TRIM69: variants seen among roughly 807,000 people sequenced by gnomAD.
The protein encoded by TRIM69 is tripartite motif containing 69, also known as E3 ubiquitin-protein ligase TRIM69.
A neutral mutation model predicts 37.7 loss-of-function variants in TRIM69; 29 were observed. The ratio of observed to expected loss-of-function variants is 0.77; its 90% CI spans 0.57 to 1.05. TRIM69 has a LOEUF of 1.05. TRIM69 is among the 50% of genes least tolerant of loss of function. The pLI, the probability that TRIM69 is intolerant of heterozygous loss-of-function variation, is 0.00. For synonymous variants in TRIM69, 209 were observed against 212.4 expected (o/e 0.98, Z 0.14); for missense variants, 596 against 579.9 (o/e 1.03, Z -0.28).
Position 44,736,658 on chromosome 15 carries a change from G to C in TRIM69, c.-47G>C. The stretch of plus-strand genomic sequence containing the variant: ...TCTGCAGCCATCCTGGGCCTGCTGA[G>C]CTCTGATTCAAGTGCCTGCCTCTGC... On this transcript the variant is annotated 5_prime_UTR_variant, in exon 1 of 7. Coordinates refer to ENST00000329464, the MANE Select transcript of TRIM69 (RefSeq NM_182985.5). 6.2e-7 allele frequency: 1 copy of C among 1,610,398 alleles called. No individual in the cohort carries two copies. The highest frequency in any genetic ancestry group is 8.5e-7 in the Non-Finnish European group (1 of 1,178,526).
chr15:44,743,602 TC>T (rs2087339546), intron 1 of TRIM69, among the ~76,000 whole-genome samples: 1 of 151,948 alleles, frequency 6.6e-6, no homozygotes, highest in South Asian at 2.1e-4. Flanking sequence ...TACAATGAAC[TC>T]AAACAAATTT....
chr15:44,767,053 CAAAAAAAAAAAA>C (rs55736812), intron 6 of TRIM69, among the ~76,000 whole-genome samples, 166 bp from the exon 7 acceptor site: 515 of 24,336 alleles, frequency 0.021, 14 homozygotes, highest in Middle Eastern at 0.14. Context: ...TTGTCTGCCT[CAAAAAAAAAAAA>C]AAAAAAAAAA....
At chr15:44,755,500 A>G in intron 2 of TRIM69, 124 bp downstream of exon 2, 1 of 734,748 alleles carries the variant, frequency 1.4e-6, no homozygotes. Flanking sequence ...CAGACTGCTC[A>G]GAAAGTACAA....
At chr15:44,754,689 T>C (rs2087605218) in intron 1 of TRIM69, 1 of 546,572 alleles carries the variant, frequency 1.8e-6, no homozygotes, top group Non-Finnish European at 3.2e-6. Context: ...TGTTTCTTCC[T>C]CTGCCTTGAT....
rs375092348 is a variant in TRIM69, at chr15:44,748,825, CAAAAA to C, written c.7-6054_7-6050del. 2.1e-4 allele frequency among the ~76,000 whole-genome samples: 24 copies of C among 114,256 alleles called. 1 individual carries two copies. The highest frequency in any genetic ancestry group is 5.9e-4 in the African/African-American group (17 of 28,954). The allele number at this position is 114,256 out of a possible 152,430, so 75.0% of individuals were successfully genotyped here. ...TGGGCGACAGAGTGAGACTTTGTCT[CAAAAA>C]AAAAAAAAAAAAAAAAAAAATTCTG... On this transcript the variant is annotated intron_variant, in intron 1 of 6. Coordinates refer to ENST00000329464, the MANE Select transcript of TRIM69 (RefSeq NM_182985.5).
At chr15:44,759,700 T>A (rs1169922605) in intron 5 of TRIM69, 38 bp downstream of exon 5, 1 of 1,614,114 alleles carries the variant, frequency 6.2e-7, no homozygotes, top group Admixed American at 1.7e-5. Context: ...TATCATTCCT[T>A]GAGTCTCTGG....
chr15:44,744,009 A>T (rs930694709), intron 1 of TRIM69, among the ~76,000 whole-genome samples: 2 of 152,172 alleles, frequency 1.3e-5, no homozygotes, highest in African/African-American at 4.8e-5. Context: ...ATGCACATGT[A>T]TGTTTATTGT....
chr15:44,759,667 G>T lies in TRIM69; in HGVS notation c.836+5G>T, dbSNP rs760416092. On this transcript the variant is annotated splice_donor_5th_base_variant and intron_variant, in intron 5 of 6. Transcript: ENST00000329464. ...CATCACAACTCTCTTACATAGGTAA[G>T]TGTTTCCCTATGGTACTATTAATAT... 6.2e-7 allele frequency: 1 copy of T among 1,613,662 alleles called. No individual in the cohort carries two copies. The highest frequency in any genetic ancestry group is 1.7e-5 in the Admixed American group (1 of 60,020).
rs1282771791 is a variant in TRIM69, at chr15:44,754,990, C to G, written c.97C>G (p.Gln33Glu). The G allele has an allele frequency of 1.9e-6, 3 of 1,614,116 alleles. No individual in the cohort carries two copies. The South Asian group carries it at 3.3e-5, about 18-fold the overall frequency. Residue 33 changes from glutamine (Q) to glutamate (E), a missense_variant, in exon 2 of 7, where the codon CAA (glutamine) becomes GAA (glutamate). Gln to Glu is a conservative substitution (Grantham distance 29). Coordinates refer to ENST00000329464, the MANE Select transcript of TRIM69 (RefSeq NM_182985.5). ...CCACCTACCCTCTAAAGTGGTGATA[C>G]AAGATATTACTATGGAGCTACACTG... ...ITHLPSKVVI[Q>E]DITMELHCPL...
chr15:44,767,053 C>CAAAAAAAAAAAAAAAAAAAAAAAA lies in TRIM69; in HGVS notation c.962-170_962-147dup, dbSNP rs55736812. On this transcript the variant is annotated intron_variant, in intron 6 of 6. Transcript: ENST00000329464. ...CAGCCCTGGGCAACCTTGTCTGCCT[C>CAAAAAAAAAAAAAAAAAAAAAAAA]AAAAAAAAAAAAAAAAAAAAAAAAA... is the stretch of plus-strand genomic sequence containing the variant. Among the ~76,000 whole-genome samples, 3 of 24,316 alleles carry CAAAAAAAAAAAAAAAAAAAAAAAA rather than the reference C, an allele frequency of 1.2e-4. 1 individual carries two copies. Among genetic ancestry groups the CAAAAAAAAAAAAAAAAAAAAAAAA allele is most frequent in the Non-Finnish European group, 6.9e-5 (1 of 14,436 alleles). 16.0% of individuals were successfully genotyped at this position (24,316 alleles called of 152,430 possible). A position where few individuals can be genotyped will look rare whatever the true frequency, so the allele number is the denominator to read the frequency against.
chr15:44,739,507 A>T (rs1250162308), intron 1 of TRIM69, among the ~76,000 whole-genome samples: 1 of 152,310 alleles, frequency 6.6e-6, no homozygotes, highest in South Asian at 2.1e-4. Context: ...GCACCTGGAA[A>T]ATTGGGTCAC....
intron 1 of TRIM69, among the ~76,000 whole-genome samples, chr15:44,740,493 G>A (rs2087258002): frequency 6.6e-6 from 1 of 152,226 alleles, no homozygotes; most frequent in South Asian, 2.1e-4. Flanking sequence ...AAAGAATTTA[G>A]ATGAATGTAT....
At chr15:44,757,427 T>C (rs1209900151) in intron 3 of TRIM69, 1 of 152,008 alleles carries the variant, frequency 6.6e-6, no homozygotes, top group African/African-American at 2.4e-5. Context: ...AAATTGAGAA[T>C]TGAAGGATAA....
intron 4 of TRIM69, among the ~76,000 whole-genome samples, chr15:44,759,401 T>C (rs2087724476): frequency 6.6e-6 from 1 of 152,220 alleles, no homozygotes; most frequent in South Asian, 2.1e-4. Flanking sequence ...CCTTAAGTAT[T>C]GTCTTATTGG....
chr15:44,750,911 ATTGT>A (rs1384188622), intron 1 of TRIM69, among the ~76,000 whole-genome samples: 2 of 74,590 alleles, frequency 2.7e-5, no homozygotes, highest in Admixed American at 1.2e-4. Context: ...TTTTTAGTAG[ATTGT>A]TTTTCTATTT....
chr15:44,743,880 T>C (rs1175250798), intron 1 of TRIM69, among the ~76,000 whole-genome samples: 1 of 152,194 alleles, frequency 6.6e-6, no homozygotes, highest in Non-Finnish European at 1.5e-5. Context: ...AGTTCAACCA[T>C]TGTGGAAGTC....
chr15:44,747,919 G>T (rs1429736040), intron 1 of TRIM69, among the ~76,000 whole-genome samples: 1 of 152,162 alleles, frequency 6.6e-6, no homozygotes, highest in Non-Finnish European at 1.5e-5. Flanking sequence ...CATAAGGAGA[G>T]GTAAATGTAA....
At chr15:44,751,815 G>A (rs2141323509) in intron 1 of TRIM69, among the ~76,000 whole-genome samples, 1 of 151,482 alleles carries the variant, frequency 6.6e-6, no homozygotes, top group Non-Finnish European at 1.5e-5. Flanking sequence ...ATGTGATCTT[G>A]ACTCACTGCA....
Position 44,754,944 on chromosome 15 carries a change from T to C in TRIM69, c.51T>C (p.Val17=). ...CCAACATCGATCCAGGCGACTATGT[T>C]GAAATGAATGATTCAATCACCCACC... ...PSSNIDPGDY[V]EMNDSITHLP... The change falls in exon 2 of 7, where the codon GTT becomes GTC. Residue 17 remains valine (V), a synonymous_variant. Coordinates refer to ENST00000329464, the MANE Select transcript of TRIM69 (RefSeq NM_182985.5). 6.2e-7 allele frequency: 1 copy of C among 1,614,044 alleles called. No individual in the cohort carries two copies. The highest frequency in any genetic ancestry group is 8.5e-7 in the Non-Finnish European group (1 of 1,179,948).
Sources: allele counts gnomAD v4.1 joint callset (sites outside exome capture counted in the v4.1 genomes callset), GRCh38; gene constraint gnomAD v4.1.1; transcripts MANE v1.5; gene names NCBI Gene and HGNC (gene_info 2026-07-23, HGNC 2026-07-21).